ACVRL1: variants seen among roughly 807,000 people sequenced by gnomAD.
ACVRL1 encodes the protein activin A receptor like type 1.
In ACVRL1, 20 loss-of-function variants were observed where a neutral mutation model predicts 51.9. The ratio of observed to expected loss-of-function variants is 0.39; its 90% CI spans 0.27 to 0.56. The LOEUF (loss-of-function observed/expected upper bound fraction) is 0.56. ACVRL1 is among the 20% of genes least tolerant of loss of function. The probability of loss-of-function intolerance (pLI) is 0.67; values close to 1 mark genes in which losing one functional copy is unlikely to be tolerated. For synonymous variants in ACVRL1, 288 were observed against 280.9 expected, an observed-to-expected ratio of 1.03 and a Z score of -0.25; for missense variants, 451 against 670.3, an observed-to-expected ratio of 0.67 and a Z score of 3.61.
At chr12:51,912,405 G>A (rs1362763419) in intron 1 of ACVRL1, 65 bp from the exon 2 acceptor site, 2 of 1,559,922 alleles carry the variant, frequency 1.3e-6, no homozygotes, top group Admixed American at 1.7e-5. Context: ...GGGCAGGAGG[G>A]AGCCACGGCC....
At chr12:51,918,076 G>A (rs1940881152) in intron 8 of ACVRL1, among the ~76,000 whole-genome samples, 2 of 152,216 alleles carry the variant, frequency 1.3e-5, no homozygotes, top group Non-Finnish European at 2.9e-5. Context: ...ATGGCCCCCA[G>A]CCTCAGGCTG....
chr12:51,919,227 T>C, intron 9 of ACVRL1, 112 bp downstream of exon 9: 1 of 1,516,772 alleles, frequency 6.6e-7, no homozygotes, highest in Non-Finnish European at 9.0e-7. Context: ...ATACTGAGTG[T>C]CCTGGTTAGG....
intron 2 of ACVRL1, 121 bp from the exon 3 acceptor site, chr12:51,912,978 C>T: frequency 7.1e-7 from 1 of 1,408,288 alleles, no homozygotes; most frequent in South Asian, 1.2e-5. Context: ...AGTAAGAGAC[C>T]AAAGCTTCAA....
intron 1 of ACVRL1, among the ~76,000 whole-genome samples, chr12:51,908,796 C>A (rs764470743): frequency 6.6e-6 from 1 of 152,154 alleles, no homozygotes; most frequent in South Asian, 2.1e-4. Flanking sequence ...GTTTAAGTAA[C>A]GTCTCAAATT....
At position 51,914,560 on chromosome 12, in the gene ACVRL1, G is replaced by A. The variant is rs1058563; in HGVS notation, c.747G>A (p.Val249=). 13,231 of 1,613,684 alleles carry A rather than the reference G, an allele frequency of 8.2e-3. 702 individuals are homozygous for A. The African/African-American group carries it at 0.13, about 16-fold the overall frequency. ...GGGAGACTGAGATCTATAACACAGT[G>A]TTGCTCAGACACGACAACATCCTAG... ...WFRETEIYNT[V]LLRHDNILGF... Residue 249 remains valine (V), a synonymous_variant, in exon 6 of 10, where the codon GTG becomes GTA. Transcript: ENST00000388922.
At chr12:51,913,387 C>G in intron 3 of ACVRL1, 37 bp downstream of exon 3, 1 of 1,605,022 alleles carries the variant, frequency 6.2e-7, no homozygotes, top group South Asian at 1.1e-5. Context: ...TCCCCATCTT[C>G]TTGGCCCCTG....
chr12:51,913,187 G>T lies in ACVRL1; in HGVS notation c.150G>T (p.Trp50Cys), dbSNP rs121909285. 2 of 1,596,470 alleles carry T rather than the reference G, an allele frequency of 1.3e-6. No individual in the cohort carries two copies. The highest frequency in any genetic ancestry group is 8.5e-7 in the Non-Finnish European group (1 of 1,172,974). ...AGGGGCCTACCTGCCGGGGGGCCTG[G>T]TGCACAGTAGTGCTGGTGCGGGAGG... ...HCKGPTCRGA[W>C]CTVVLVREEG... The change falls in exon 3 of 10, where the codon TGG becomes TGT. Residue 50 changes from tryptophan to cysteine, a missense_variant. Around this residue, in one of 2 missense-constraint regions of ACVRL1, gnomAD observed 192 missense variants for 216.9 expected, o/e 0.89. Coordinates refer to ENST00000388922, the MANE Select transcript of ACVRL1 (RefSeq NM_000020.3).
intron 1 of ACVRL1, among the ~76,000 whole-genome samples, chr12:51,912,006 G>A (rs1342547039): frequency 5.3e-5 from 8 of 152,180 alleles, no homozygotes; most frequent in Admixed American, 4.6e-4. Flanking sequence ...AGGAAGCGAA[G>A]ACAGGAGCCT....
At position 51,921,641 on chromosome 12, in the gene ACVRL1, G is replaced by T; in HGVS notation, c.*748G>T. 6.5e-6 allele frequency: 1 copy of T among 153,596 alleles called. No individual in the cohort carries two copies. The highest frequency in any genetic ancestry group is 1.5e-5 in the Non-Finnish European group (1 of 68,928). 9.5% of individuals were successfully genotyped at this position (153,596 alleles called of 1,614,324 possible). ...CGAGGCCAAGCATGGCAGGGGGAAG[G>T]TCAGTGGGTGTCAAGAGACCCAGGT... On this transcript the variant is annotated 3_prime_UTR_variant, in exon 10 of 10. Coordinates refer to ENST00000388922, the MANE Select transcript of ACVRL1 (RefSeq NM_000020.3).
rs574144745 is a variant in ACVRL1, at chr12:51,922,874, A to T, written c.*1981A>T. On this transcript the variant is annotated 3_prime_UTR_variant, in exon 10 of 10. Transcript: ENST00000388922. ...CACTTTTCTAGGCCTGTCTCCCAGC[A>T]TTGTGCAAGGCTCGGAAGAGAACCA... 1 of 152,604 alleles carries T rather than the reference A, an allele frequency of 6.6e-6. No homozygotes were observed. The highest frequency in any genetic ancestry group is 2.1e-4 in the South Asian group (1 of 4,822). 9.5% of individuals were successfully genotyped at this position (152,604 alleles called of 1,614,324 possible). A position where few individuals can be genotyped will look rare whatever the true frequency, so the allele number is the denominator to read the frequency against.
rs1206066324 is a variant in ACVRL1, at chr12:51,913,767, G to A, written c.522G>A (p.Leu174=). The change falls in exon 4 of 10, where the codon TTG becomes TTA. Residue 174 remains leucine (L), a synonymous_variant. Transcript: ENST00000388922. ...LKASEQGDSM[L]GDLLDSDCTT... is the part of the protein sequence containing the mutation. ...CATCTGAGCAGGGCGACAGCATGTT[G>A]GGGGTATGGGCCTGGGGACCTGGGA... The A allele has an allele frequency of 6.2e-7, 1 of 1,611,286 alleles. No individual in the cohort carries two copies. The highest frequency in any genetic ancestry group is 8.5e-7 in the Non-Finnish European group (1 of 1,179,966).
chr12:51,912,394 T>C (rs756231900), intron 1 of ACVRL1, 76 bp from the exon 2 acceptor site: 21 of 1,518,522 alleles, frequency 1.4e-5, no homozygotes, highest in Non-Finnish European at 1.8e-5. Context: ...TGATTTCCTC[T>C]GGGCAGGAGG....
intron 5 of ACVRL1, 114 bp from the exon 6 acceptor site, chr12:51,914,325 C>G (rs1397259245): frequency 8.9e-6 from 13 of 1,459,792 alleles, no homozygotes; most frequent in Non-Finnish European, 1.2e-5. Context: ...ACCTAAGGGT[C>G]TGGGGTTCTG....
chr12:51,920,754 C>T lies in ACVRL1; in HGVS notation c.1378-5C>T. 6.2e-7 allele frequency: 1 copy of T among 1,613,632 alleles called. No individual in the cohort carries two copies. Among genetic ancestry groups the T allele is most frequent in the South Asian group, 1.1e-5 (1 of 91,036 alleles). On this transcript the variant is annotated splice_polypyrimidine_tract_variant and splice_region_variant and intron_variant, in intron 9 of 9. Transcript: ENST00000388922. The stretch of plus-strand genomic sequence containing the variant: ...TCTCCTCTGCACCTCTCTCCCAACC[C>T]CCAGGTCCTCTCAGGCCTAGCTCAG...
Position 51,913,703 on chromosome 12 carries a change from T to C in ACVRL1, c.458T>C (p.Leu153Pro), listed in dbSNP as rs763416059. ...VRRRQEKQRG[L>P]HSELGESSLI... Reference sequence around the variant, plus strand: ...CGGAGGCAGGAGAAGCAGCGTGGCCTGCACAGCGAGCTGGGAGAGTCCAGT... The same window carrying C: ...CGGAGGCAGGAGAAGCAGCGTGGCCCGCACAGCGAGCTGGGAGAGTCCAGT... Residue 153 changes from leucine to proline, a missense_variant, in exon 4 of 10, where the codon CTG becomes CCG. By Grantham distance (98) the Leu-to-Pro change is moderately conservative (BLOSUM62 -3). Transcript: ENST00000388922. 8.1e-6 allele frequency: 13 copies of C among 1,611,732 alleles called. No individual in the cohort carries two copies. The highest frequency in any genetic ancestry group is 1.0e-5 in the Non-Finnish European group (12 of 1,180,002).
At chr12:51,910,033 A>C (rs1940659681) in intron 1 of ACVRL1, among the ~76,000 whole-genome samples, 1 of 152,222 alleles carries the variant, frequency 6.6e-6, no homozygotes, top group African/African-American at 2.4e-5. Context: ...TAAATCGTAC[A>C]GAGTCAGCTC....
At chr12:51,910,771 A>G (rs955258624) in intron 1 of ACVRL1, among the ~76,000 whole-genome samples, 2 of 152,200 alleles carry the variant, frequency 1.3e-5, no homozygotes, top group Admixed American at 6.5e-5. Context: ...TGCTAGCCAG[A>G]GTCCTCACTG....
At position 51,917,919 on chromosome 12, in the gene ACVRL1, C is replaced by A. The variant is rs1440335625; in HGVS notation, c.1247-1066C>A. 1.3e-5 allele frequency among the ~76,000 whole-genome samples: 2 copies of A among 152,172 alleles called. No homozygotes were observed. The highest frequency in any genetic ancestry group is 1.3e-4 in the Admixed American group (2 of 15,272). On this transcript the variant is annotated intron_variant, in intron 8 of 9. Transcript: ENST00000388922. The surrounding 1 kb of genome is among the most constrained non-coding windows in gnomAD (Gnocchi z 4.2). ...TATAAACACTGTAATCTGGTGTCAGCCCCGGCACTGATTAAAGGCCCATTA... is the reference window on the plus strand; with the variant it reads ...TATAAACACTGTAATCTGGTGTCAGACCCGGCACTGATTAAAGGCCCATTA...
At chr12:51,907,328 C>T (rs1940613323), upstream of ACVRL1, 1 of 152,104 alleles carries the variant, frequency 6.6e-6, no homozygotes, top group South Asian at 2.1e-4. This position sits in a 1 kb window ranked among gnomAD's most constrained non-coding sequence, Gnocchi z 4.5. Flanking sequence ...GGGAGGCCGC[C>T]CTGAGGGGCT....
Sources: allele counts gnomAD v4.1 joint callset (sites outside exome capture counted in the v4.1 genomes callset), GRCh38; gene constraint gnomAD v4.1.1; regional missense constraint gnomAD v4.1.1; non-coding constraint Gnocchi (gnomAD v3.1); transcripts MANE v1.5; gene names NCBI Gene and HGNC (gene_info 2026-07-23, HGNC 2026-07-21).